The following CFAP299 variants were observed in gnomAD, a reference collection of about 807,000 sequenced individuals.
The protein encoded by CFAP299 is cilia- and flagella-associated protein 299.
In CFAP299, 21 loss-of-function variants were observed where a neutral mutation model predicts 27.0. That is an observed-to-expected ratio of 0.78 (90% CI 0.55 to 1.12). The LOEUF (loss-of-function observed/expected upper bound fraction) is 1.12, where lower values mean the gene tolerates loss of function less well. Among genes scored for constraint, CFAP299 ranks in the 50% most tolerant of loss-of-function variants. The pLI, the probability that CFAP299 is intolerant of heterozygous loss-of-function variation, is 0.00. For missense variants in CFAP299, 310 were observed against 276.6 expected, an observed-to-expected ratio of 1.12 and a Z score of -0.86; for synonymous variants, 104 against 98.1, an observed-to-expected ratio of 1.06 and a Z score of -0.36.
In CFAP299 at chr4:80,417,187, C is replaced by T. The variant is rs561551370; in HGVS notation, c.242+54303C>T. ...CCATGGCATTTGTAAACTGTCATGG[C>T]GCTGGTGGGGGTGATTTCTAGCATG... On this transcript the variant is annotated intron_variant, in intron 2 of 5. Coordinates refer to ENST00000358105, the MANE Select transcript of CFAP299 (RefSeq NM_152770.3). 4.9e-4 allele frequency among the ~76,000 whole-genome samples: 74 copies of T among 152,162 alleles called. 1 individual carries two copies. Among genetic ancestry groups the T allele is most frequent in the African/African-American group, 1.7e-3 (69 of 41,524 alleles).
At chr4:80,812,776 G>A (rs149921351) in intron 3 of CFAP299, among the ~76,000 whole-genome samples, 43 of 152,174 alleles carry the variant, frequency 2.8e-4, no homozygotes, top group Admixed American at 5.2e-4. Flanking sequence ...ATCAATTTAT[G>A]TAAATAGTTT....
At chr4:80,935,966 C>T (rs1012588834) in intron 4 of CFAP299, among the ~76,000 whole-genome samples, 1 of 152,136 alleles carries the variant, frequency 6.6e-6, no homozygotes, top group Non-Finnish European at 1.5e-5. Flanking sequence ...AAGAAAAGCT[C>T]AACATCACTG....
At chr4:80,845,893 T>C (rs1306234099) in intron 3 of CFAP299, among the ~76,000 whole-genome samples, 1 of 152,196 alleles carries the variant, frequency 6.6e-6, no homozygotes, top group East Asian at 1.9e-4. Flanking sequence ...TGAAAAATTA[T>C]TTTTTCTTTC....
In CFAP299 at chr4:80,524,081, ATACT is replaced by A. The variant is rs147716279; in HGVS notation, c.243-59009_243-59006del. Among the ~76,000 whole-genome samples the A allele has an allele frequency of 6.4e-3, 971 of 152,238 alleles. 7 individuals are homozygous for A. The highest frequency in any genetic ancestry group is 0.022 in the African/African-American group (918 of 41,548). On this transcript the variant is annotated intron_variant, in intron 2 of 5. Transcript: ENST00000358105. Reference sequence around the variant, plus strand: ...AAGGAGAGTATAGCTGGAAGGGGAAATACTTAGGACAAACTCTTGAAGTACTCAA... The same window carrying A: ...AAGGAGAGTATAGCTGGAAGGGGAAATAGGACAAACTCTTGAAGTACTCAA...
chr4:80,428,681 C>A (rs1026403919), intron 2 of CFAP299, among the ~76,000 whole-genome samples: 3 of 143,800 alleles, frequency 2.1e-5, no homozygotes, highest in African/African-American at 7.7e-5. Context: ...TGCCTGCCAC[C>A]ATGCCTCGCT....
chr4:80,835,349 C>G (rs35227775), intron 3 of CFAP299, among the ~76,000 whole-genome samples: 33 of 151,998 alleles, frequency 2.2e-4, no homozygotes, highest in African/African-American at 7.5e-4. Context: ...CCGCCCGCCT[C>G]GGCCTGCTTC....
At chr4:80,731,661 GA>G (rs1328490981) in intron 3 of CFAP299, among the ~76,000 whole-genome samples, 3 of 152,018 alleles carry the variant, frequency 2.0e-5, no homozygotes, top group African/African-American at 4.8e-5. Flanking sequence ...CCAATGGCAA[GA>G]AAAAAATTTC....
At chr4:80,689,143 C>T (rs1036999594) in intron 3 of CFAP299, among the ~76,000 whole-genome samples, 56 of 152,132 alleles carry the variant, frequency 3.7e-4, no homozygotes, top group African/African-American at 1.3e-3. Flanking sequence ...GGAGAACTTC[C>T]CCAATCTAGC....
intron 3 of CFAP299, among the ~76,000 whole-genome samples, chr4:80,586,933 C>T (rs1038694379): frequency 6.6e-6 from 1 of 150,532 alleles, no homozygotes; most frequent in African/African-American, 2.5e-5. Flanking sequence ...ACATTGCCTA[C>T]AGCTTTTCCT....
intron 3 of CFAP299, among the ~76,000 whole-genome samples, chr4:80,728,057 T>C (rs1034864171): frequency 6.6e-6 from 1 of 152,076 alleles, no homozygotes. Flanking sequence ...GTCAGGGTTT[T>C]TCCTCTGAAA....
chr4:80,850,813 G>A (rs1002578522), intron 3 of CFAP299, among the ~76,000 whole-genome samples: 4 of 151,994 alleles, frequency 2.6e-5, no homozygotes, highest in Admixed American at 2.6e-4. Flanking sequence ...AGTTCAACAG[G>A]GAAACAATGA....
At chr4:80,388,019 G>C (rs947589948) in intron 2 of CFAP299, 20 of 703,302 alleles carry the variant, frequency 2.8e-5, no homozygotes, top group Non-Finnish European at 4.1e-5. Context: ...CTCCAGGGGT[G>C]GGTAGGGCTG....
upstream of CFAP299, among the ~76,000 whole-genome samples, chr4:80,332,210 ACTGG>A: frequency 6.6e-6 from 1 of 152,202 alleles, no homozygotes; most frequent in East Asian, 1.9e-4. Flanking sequence ...GTAAAAACAG[ACTGG>A]AATATGTTGG....
the CFAP299 span, among the ~76,000 whole-genome samples, chr4:80,330,540 T>C: frequency 6.6e-6 from 1 of 152,290 alleles, no homozygotes; most frequent in African/African-American, 2.4e-5. Flanking sequence ...CTCAGTCACA[T>C]GGACATTTAT....
chr4:80,509,916 A>G (rs1732214984), intron 2 of CFAP299, among the ~76,000 whole-genome samples: 1 of 151,780 alleles, frequency 6.6e-6, no homozygotes, highest in East Asian at 1.9e-4. Flanking sequence ...TTCTCCTCCA[A>G]GATCCTGTGG....
At chr4:80,377,602 G>A (rs1724482419) in intron 2 of CFAP299, among the ~76,000 whole-genome samples, 1 of 151,508 alleles carries the variant, frequency 6.6e-6, no homozygotes, top group African/African-American at 2.4e-5. Flanking sequence ...ATAAAGTTTA[G>A]AATCACCTAA....
chr4:80,678,115 G>A (rs1172030309), intron 3 of CFAP299, among the ~76,000 whole-genome samples: 1 of 151,610 alleles, frequency 6.6e-6, no homozygotes, highest in Non-Finnish European at 1.5e-5. Context: ...TTAACCCTTG[G>A]GATATCTCTT....
At chr4:80,470,185 T>A (rs749702489) in intron 2 of CFAP299, among the ~76,000 whole-genome samples, 7 of 152,158 alleles carry the variant, frequency 4.6e-5, no homozygotes, top group Non-Finnish European at 7.4e-5. Flanking sequence ...TTGGACATGT[T>A]ACTAAATGTC....
chr4:80,346,753 C>T (rs1180983107), intron 1 of CFAP299, among the ~76,000 whole-genome samples: 1 of 152,084 alleles, frequency 6.6e-6, no homozygotes, highest in Non-Finnish European at 1.5e-5. Context: ...CTTGGCGATG[C>T]GGGCTCTTTT....
Sources: allele counts gnomAD v4.1 joint callset (sites outside exome capture counted in the v4.1 genomes callset), GRCh38; gene constraint gnomAD v4.1.1; transcripts MANE v1.5; gene names NCBI Gene and HGNC (gene_info 2026-07-23, HGNC 2026-07-21).